The following CLVS1 variants were observed in gnomAD, a reference collection of about 807,000 sequenced individuals.
CLVS1 encodes clavesin 1, also known as clavesin-1.
In CLVS1, 10 loss-of-function variants were observed where a neutral mutation model predicts 33.1. The ratio of observed to expected loss-of-function variants is 0.30; its 90% CI spans 0.19 to 0.51. The LOEUF (loss-of-function observed/expected upper bound fraction) is 0.51, where lower values mean the gene tolerates loss of function less well. Among genes scored for constraint, CLVS1 ranks in the 20% least tolerant of loss-of-function variants. The probability of loss-of-function intolerance (pLI) is 0.97; values close to 1 mark genes in which losing one functional copy is unlikely to be tolerated. For synonymous variants in CLVS1, 163 were observed against 166.1 expected, an observed-to-expected ratio of 0.98 and a Z score of 0.14; for missense variants, 343 against 433.4, an observed-to-expected ratio of 0.79 and a Z score of 1.85.
At chr8:61,480,339 G>C (rs1486100594) in intron 5 of CLVS1, among the ~76,000 whole-genome samples, 1 of 152,198 alleles carries the variant, frequency 6.6e-6, no homozygotes, top group Non-Finnish European at 1.5e-5. Flanking sequence ...AGACTGCTGT[G>C]CTAGCAATGA....
At chr8:61,380,769 G>A (rs183185186) in intron 3 of CLVS1, among the ~76,000 whole-genome samples, 5 of 152,226 alleles carry the variant, frequency 3.3e-5, no homozygotes, top group East Asian at 1.9e-4. Flanking sequence ...AGAATGAGAC[G>A]TCTTGTTCTT....
At chr8:61,241,709 G>A (rs1039633680) in intron 2 of CLVS1, among the ~76,000 whole-genome samples, 2 of 152,156 alleles carry the variant, frequency 1.3e-5, no homozygotes, top group East Asian at 1.9e-4. Flanking sequence ...TATATCATAC[G>A]AAAGAGGAAA....
At chr8:61,266,696 C>T (rs1160150762) in intron 2 of CLVS1, among the ~76,000 whole-genome samples, 1 of 152,178 alleles carries the variant, frequency 6.6e-6, no homozygotes. Flanking sequence ...GTGGCAATAG[C>T]TTCACTCTCC....
intron 2 of CLVS1, among the ~76,000 whole-genome samples, chr8:61,227,996 G>T (rs746921412): frequency 3.3e-5 from 5 of 152,196 alleles, no homozygotes; most frequent in Non-Finnish European, 7.4e-5. Context: ...TACCGGAAGT[G>T]ATGTGAAGAC....
chr8:61,311,775 G>C (rs1020473180), intron 2 of CLVS1, among the ~76,000 whole-genome samples: 3 of 152,200 alleles, frequency 2.0e-5, no homozygotes, highest in African/African-American at 7.2e-5. Context: ...CTGATGGCTA[G>C]AAGTCCAAGG....
At chr8:61,370,829 A>G (rs961465179) in intron 2 of CLVS1, among the ~76,000 whole-genome samples, 1 of 152,166 alleles carries the variant, frequency 6.6e-6, no homozygotes, top group South Asian at 2.1e-4. Flanking sequence ...TGTGAATGCC[A>G]TTATTTCATT....
intron 1 of CLVS1, among the ~76,000 whole-genome samples, chr8:61,069,334 C>T (rs1804746996): frequency 1.3e-5 from 2 of 152,172 alleles, no homozygotes; most frequent in African/African-American, 2.4e-5. Context: ...CCTCGCTTTC[C>T]AACATTTTGA....
intron 1 of CLVS1, chr8:61,292,445 C>T (rs1376228849): frequency 6.6e-6 from 3 of 455,502 alleles, no homozygotes; most frequent in Non-Finnish European, 1.3e-5. Flanking sequence ...GAGTTAATGG[C>T]CGTTTTTGGG....
In CLVS1 at chr8:61,494,309, GGA is replaced by G. The variant is rs199753104; in HGVS notation, c.978-5135_978-5134del. On this transcript the variant is annotated intron_variant, in intron 5 of 5. Transcript: ENST00000325897. ...AAGGGAGGGTAGAATAAAGGAGGGT[GGA>G]GAGAGAGAGAATAGCAGGAAAACAA... 3.0e-3 allele frequency among the ~76,000 whole-genome samples: 454 copies of G among 152,126 alleles called. 4 individuals carry two copies. Among genetic ancestry groups the G allele is most frequent in the African/African-American group, 0.011 (436 of 41,498 alleles).
chr8:61,107,772 G>A (rs1805563492), intron 1 of CLVS1, among the ~76,000 whole-genome samples: 1 of 152,160 alleles, frequency 6.6e-6, no homozygotes, highest in South Asian at 2.1e-4. Context: ...TGTCACCTGA[G>A]CTGCTTTAAA....
At chr8:61,339,415 A>G (rs1393324032) in intron 2 of CLVS1, among the ~76,000 whole-genome samples, 1 of 152,024 alleles carries the variant, frequency 6.6e-6, no homozygotes, top group African/African-American at 2.4e-5. Context: ...GCAATTAAGA[A>G]CCAAGTGGAG....
rs778441507 is a variant in CLVS1, at chr8:61,458,299, C to G, written c.742-8C>G. 3.6e-5 allele frequency: 58 copies of G among 1,595,376 alleles called. 1 individual carries two copies. The South Asian group carries it at 6.3e-4, about 17-fold the overall frequency. On this transcript the variant is annotated splice_region_variant and splice_polypyrimidine_tract_variant and intron_variant, in intron 4 of 5. Transcript: ENST00000325897. ...TGTATTGCTAATTACTTTTTGTTTT[C>G]TTTACAGATTTTCCTGCATGGAAAC...
At chr8:61,417,199 G>A (rs1192273673) in intron 3 of CLVS1, among the ~76,000 whole-genome samples, 1 of 152,098 alleles carries the variant, frequency 6.6e-6, no homozygotes, top group East Asian at 1.9e-4. Context: ...GGAATGAGGA[G>A]GAGAAAGACA....
the CLVS1 span, among the ~76,000 whole-genome samples, chr8:61,002,209 TGGG>T: frequency 6.6e-6 from 1 of 152,052 alleles, no homozygotes; most frequent in South Asian, 2.1e-4. Context: ...CTTGAACTCC[TGGG>T]CTCAAGGGAT....
intron 2 of CLVS1, among the ~76,000 whole-genome samples, chr8:61,262,856 A>C (rs184995761): frequency 0.06 from 9,114 of 152,168 alleles, 442 homozygotes; most frequent in African/African-American, 0.13. Context: ...TACAGCAGCA[A>C]ACAGCACTCG....
At chr8:61,392,056 C>T (rs189751509) in intron 3 of CLVS1, among the ~76,000 whole-genome samples, 321 of 152,220 alleles carry the variant, frequency 2.1e-3, no homozygotes, top group South Asian at 0.019. Context: ...ACTCCATTAG[C>T]CCAAGTATAA....
At chr8:61,396,672 A>G (rs905808637) in intron 3 of CLVS1, among the ~76,000 whole-genome samples, 1 of 152,184 alleles carries the variant, frequency 6.6e-6, no homozygotes, top group African/African-American at 2.4e-5. Context: ...CATAACCACT[A>G]ACAATCATTC....
the CLVS1 span, among the ~76,000 whole-genome samples, chr8:61,052,094 A>C: frequency 6.6e-6 from 1 of 152,150 alleles, no homozygotes; most frequent in Non-Finnish European, 1.5e-5. Flanking sequence ...AGGGGGATTG[A>C]GGTCACCGCA....
At chr8:61,481,459 C>T (rs529561095) in intron 5 of CLVS1, among the ~76,000 whole-genome samples, 5 of 152,260 alleles carry the variant, frequency 3.3e-5, no homozygotes, top group East Asian at 1.9e-4. Flanking sequence ...AAAGGGAAGA[C>T]GTGACAGATC....
Sources: allele counts gnomAD v4.1 joint callset (sites outside exome capture counted in the v4.1 genomes callset), GRCh38; gene constraint gnomAD v4.1.1; transcripts MANE v1.5; gene names NCBI Gene and HGNC (gene_info 2026-07-23, HGNC 2026-07-21).